FER1L5: variants seen among roughly 807,000 people sequenced by gnomAD.
FER1L5 encodes the protein fer-1-like protein 5.
FER1L5 carries 187 observed loss-of-function variants against 279.9 expected under a neutral mutation model. The ratio of observed to expected loss-of-function variants is 0.67; its 90% CI spans 0.59 to 0.75. The LOEUF (loss-of-function observed/expected upper bound fraction) is 0.75. Among genes scored for constraint, FER1L5 ranks in the 30% least tolerant of loss-of-function variants. FER1L5 has a pLI of 0.00. For missense variants in FER1L5, 2,091 were observed against 2,594.4 expected, an observed-to-expected ratio of 0.81 and a Z score of 4.21; for synonymous variants, 921 against 989.7, an observed-to-expected ratio of 0.93 and a Z score of 1.30.
chr2:96,651,159 G>C (rs2075344956), intron 6 of FER1L5, among the ~76,000 whole-genome samples: 1 of 152,188 alleles, frequency 6.6e-6, no homozygotes, highest in South Asian at 2.1e-4. Flanking sequence ...GTGTCTCCAA[G>C]TCCATCTCCT....
Position 96,661,451 on chromosome 2 carries a change from C to T in FER1L5, c.894+11C>T, listed in dbSNP as rs77427967. Reference sequence around the variant, plus strand: ...GGAGACCAGGCCCTGGTGAGCTGCCCCTAACCCCGGAAACTTTCCTATCCT... The same window carrying T: ...GGAGACCAGGCCCTGGTGAGCTGCCTCTAACCCCGGAAACTTTCCTATCCT... On this transcript the variant is annotated intron_variant, in intron 11 of 52. Coordinates refer to ENST00000624922, the MANE Select transcript of FER1L5 (RefSeq NM_001293083.2). 7.3e-5 allele frequency: 113 copies of T among 1,550,366 alleles called. No individual in the cohort carries two copies. The East Asian group carries it at 2.3e-3, about 32-fold the overall frequency.
intron 27 of FER1L5, 34 bp downstream of exon 27, chr2:96,690,623 G>T: frequency 1.3e-6 from 2 of 1,526,860 alleles, no homozygotes; most frequent in South Asian, 2.4e-5. Context: ...GATCGGGAGA[G>T]ACCAGGGCCT....
At chr2:96,672,942 C>T in intron 18 of FER1L5, 135 bp from the exon 19 acceptor site, 1 of 1,124,416 alleles carries the variant, frequency 8.9e-7, no homozygotes, top group Non-Finnish European at 1.2e-6. Context: ...GCGAGGGAGC[C>T]TCTGAAGGCC....
chr2:96,697,429 C>A, intron 37 of FER1L5, 97 bp from the exon 38 acceptor site: 1 of 1,359,364 alleles, frequency 7.4e-7, no homozygotes, highest in Non-Finnish European at 1.0e-6. Context: ...AGGGCAAGGG[C>A]ACCAGGGAAG....
intron 2 of FER1L5, among the ~76,000 whole-genome samples, chr2:96,646,686 C>T (rs1166274102): frequency 6.6e-6 from 1 of 152,190 alleles, no homozygotes; most frequent in Non-Finnish European, 1.5e-5. Context: ...GAGGATGGAC[C>T]ATGGTATGGC....
intron 14 of FER1L5, among the ~76,000 whole-genome samples, chr2:96,664,729 G>A (rs1023641182): frequency 1.9e-4 from 29 of 152,212 alleles, no homozygotes; most frequent in African/African-American, 5.1e-4. Context: ...TATGGTAGAT[G>A]TATTAAGCAA....
intron 6 of FER1L5, among the ~76,000 whole-genome samples, chr2:96,651,075 A>T (rs2075341058): frequency 6.6e-6 from 1 of 152,184 alleles, no homozygotes; most frequent in African/African-American, 2.4e-5. Flanking sequence ...CAAAAGCCCC[A>T]GTGTCTTCCA....
chr2:96,678,215 G>T (rs745547824), intron 19 of FER1L5, among the ~76,000 whole-genome samples: 5 of 147,710 alleles, frequency 3.4e-5, no homozygotes, highest in Non-Finnish European at 7.5e-5. Context: ...ACCTCCGCCC[G>T]CCCCCCGGGT....
intron 9 of FER1L5, among the ~76,000 whole-genome samples, chr2:96,659,848 G>A (rs1188135212): frequency 6.6e-6 from 1 of 151,838 alleles, no homozygotes; most frequent in African/African-American, 2.4e-5. Context: ...ACACATTATG[G>A]GTGGCCATAA....
chr2:96,666,711 C>T (rs1046054768), intron 14 of FER1L5, among the ~76,000 whole-genome samples: 4 of 151,618 alleles, frequency 2.6e-5, no homozygotes, highest in Non-Finnish European at 4.4e-5. Flanking sequence ...ACTGCAGTGA[C>T]GCAATCTCAG....
intron 26 of FER1L5, 45 bp from the exon 27 acceptor site, chr2:96,690,442 T>C (rs1287634511): frequency 1.3e-6 from 2 of 1,529,290 alleles, no homozygotes; most frequent in Non-Finnish European, 8.9e-7. Flanking sequence ...GGCAGCCTCC[T>C]CCCAGCTCAT....
intron 37 of FER1L5, among the ~76,000 whole-genome samples, chr2:96,696,989 C>T (rs1191227937): frequency 6.6e-6 from 1 of 152,204 alleles, no homozygotes; most frequent in Non-Finnish European, 1.5e-5. Context: ...AGCGATCCTC[C>T]CACCTTGGCC....
In FER1L5 at chr2:96,694,386, C is replaced by G; in HGVS notation, c.3663C>G (p.Ile1221Met). The G allele has an allele frequency of 6.4e-7, 1 of 1,550,652 alleles. No individual in the cohort carries two copies. Among genetic ancestry groups the G allele is most frequent in the Non-Finnish European group, 8.7e-7 (1 of 1,146,488 alleles). ...AGCTTGGAGAGAAGCAGCTGCCTAT[C>G]TTAAGCGTTCCCTGGAAGAATGGGG... Reference protein sequence around the residue: ...TEKLGEKQLPILSVPWKNGAY... With the variant: ...TEKLGEKQLPMLSVPWKNGAY... Residue 1221 changes from isoleucine (I) to methionine (M), a missense_variant, in exon 34 of 53, where the codon ATC becomes ATG. Coordinates refer to ENST00000624922, the MANE Select transcript of FER1L5 (RefSeq NM_001293083.2). This position sits in a 1 kb window ranked among gnomAD's most constrained non-coding sequence, Gnocchi z 4.6.
At position 96,702,806 on chromosome 2, in the gene FER1L5, TC is replaced by T. The variant is rs1271127853; in HGVS notation, c.5397+71del. ...AACAGACCCAGGCTCCTGGAGCTCC[TC>T]CCCCCACCCCTCCAGAGGCTTGCAA... On this transcript the variant is annotated intron_variant, in intron 48 of 52. Coordinates refer to ENST00000624922, the MANE Select transcript of FER1L5 (RefSeq NM_001293083.2). This position sits in a 1 kb window ranked among gnomAD's most constrained non-coding sequence, Gnocchi z 4.0. The T allele has an allele frequency of 1.3e-6, 2 of 1,587,302 alleles. No homozygotes were observed. The highest frequency in any genetic ancestry group is 1.1e-5 in the South Asian group (1 of 87,858).
At chr2:96,645,331 T>C (rs1052930751) in intron 1 of FER1L5, among the ~76,000 whole-genome samples, 2 of 152,168 alleles carry the variant, frequency 1.3e-5, no homozygotes, top group African/African-American at 4.8e-5. Flanking sequence ...GCTGCAAAGT[T>C]AGCAGGTCAC....
chr2:96,694,556 G>A lies in FER1L5; in HGVS notation c.3741+92G>A, dbSNP rs1275431874. 9.5e-7 allele frequency: 1 copy of A among 1,049,148 alleles called. No homozygotes were observed. The highest frequency in any genetic ancestry group is 1.3e-6 in the Non-Finnish European group (1 of 761,714). The allele number at this position is 1,049,148 out of a possible 1,614,324, so 65.0% of individuals were successfully genotyped here. ...CTTCTGCTGGTCCTCCCTGACTACT[G>A]GATCCAAAGCTCACACCCCGAAAAA... On this transcript the variant is annotated intron_variant, in intron 34 of 52. Transcript: ENST00000624922. This position sits in a 1 kb window ranked among gnomAD's most constrained non-coding sequence, Gnocchi z 4.6.
chr2:96,704,468 C>T lies in FER1L5; in HGVS notation c.5950C>T (p.His1984Tyr). 6.2e-7 allele frequency: 1 copy of T among 1,613,932 alleles called. No homozygotes were observed. Among genetic ancestry groups the T allele is most frequent in the South Asian group, 1.1e-5 (1 of 91,076 alleles). Reference protein sequence around the residue: ...MLFNFIYSAPHYLAMSWIKPQ... With the variant: ...MLFNFIYSAPYYLAMSWIKPQ... ...GCTAACTGTTGTCTGTTCTCTCTAG[C>T]ACTATTTGGCCATGAGCTGGATCAA... is the stretch of plus-strand genomic sequence containing the variant. Residue 1984 changes from histidine (H) to tyrosine (Y), a missense_variant and splice_region_variant, in exon 53 of 53, where the codon CAC becomes TAC. Coordinates refer to ENST00000624922, the MANE Select transcript of FER1L5 (RefSeq NM_001293083.2).
chr2:96,650,809 C>T (rs947773210), intron 6 of FER1L5, among the ~76,000 whole-genome samples: 1 of 152,206 alleles, frequency 6.6e-6, no homozygotes, highest in Non-Finnish European at 1.5e-5. Flanking sequence ...CTGCTCCTCG[C>T]GCAGCAGCTG....
At chr2:96,662,453 T>C (rs2075988433) in intron 13 of FER1L5, among the ~76,000 whole-genome samples, 186 bp downstream of exon 13, 1 of 152,054 alleles carries the variant, frequency 6.6e-6, no homozygotes, top group African/African-American at 2.4e-5. Flanking sequence ...GCATGCCAGA[T>C]GCCCCCCAAA....
Sources: allele counts gnomAD v4.1 joint callset (sites outside exome capture counted in the v4.1 genomes callset), GRCh38; gene constraint gnomAD v4.1.1; non-coding constraint Gnocchi (gnomAD v3.1); transcripts MANE v1.5; gene names NCBI Gene and HGNC (gene_info 2026-07-23, HGNC 2026-07-21).